ADGRL2: variants seen among roughly 807,000 people sequenced by gnomAD.
ADGRL2 encodes adhesion G protein-coupled receptor L2, also known as calcium-independent alpha-latrotoxin receptor 2.
A neutral mutation model predicts 157.4 loss-of-function variants in ADGRL2; 44 were observed. The observed-to-expected ratio is 0.28, with a 90% confidence interval of 0.22 to 0.36. The LOEUF (loss-of-function observed/expected upper bound fraction) is 0.36, where lower values mean the gene tolerates loss of function less well. Ranked by LOEUF, ADGRL2 falls within the 10% of genes least tolerant of loss-of-function variation. The pLI is 1.00. For synonymous variants in ADGRL2, 585 were observed against 624.7 expected, an observed-to-expected ratio of 0.94 and a Z score of 0.95; for missense variants, 1,510 against 1,768.9, an observed-to-expected ratio of 0.85 and a Z score of 2.63.
At chr1:81,975,434 G>T (rs1659937343) in intron 17 of ADGRL2, among the ~76,000 whole-genome samples, 1 of 152,190 alleles carries the variant, frequency 6.6e-6, no homozygotes, top group South Asian at 2.1e-4. Context: ...TCAAAGAGTG[G>T]CTGCATTGGA....
At chr1:81,349,859 GA>G (rs200255497) in intron 1 of ADGRL2, among the ~76,000 whole-genome samples, 2 of 151,366 alleles carry the variant, frequency 1.3e-5, no homozygotes, top group Non-Finnish European at 2.9e-5. Context: ...AGGCGGGAGG[GA>G]AAAAAAATCA....
intron 1 of ADGRL2, among the ~76,000 whole-genome samples, chr1:81,721,119 G>C (rs1175536352): frequency 6.7e-6 from 1 of 149,160 alleles, no homozygotes. Context: ...CGATCCTCCT[G>C]CGTCAGCCTC....
At chr1:81,623,852 G>T (rs898730952) in intron 3 of ADGRL2, among the ~76,000 whole-genome samples, 1 of 151,982 alleles carries the variant, frequency 6.6e-6, no homozygotes, top group East Asian at 1.9e-4. Flanking sequence ...GGTCAGGCTG[G>T]TCTCGAACTC....
At chr1:81,977,906 C>T (rs766636069) in intron 17 of ADGRL2, among the ~76,000 whole-genome samples, 8 of 151,580 alleles carry the variant, frequency 5.3e-5, no homozygotes, top group Non-Finnish European at 1.2e-4. Context: ...AAAGGGAGAA[C>T]AATTTAAAGG....
At chr1:81,611,939 T>C (rs1414867605) in intron 3 of ADGRL2, among the ~76,000 whole-genome samples, 2 of 152,138 alleles carry the variant, frequency 1.3e-5, no homozygotes, top group Admixed American at 6.5e-5. Flanking sequence ...GTTTCCCCCA[T>C]GCTCTCTCTC....
chr1:81,685,028 G>A (rs1349984089), intron 3 of ADGRL2, among the ~76,000 whole-genome samples: 11 of 152,130 alleles, frequency 7.2e-5, no homozygotes, highest in African/African-American at 2.7e-4. Context: ...TGCTGTTTGG[G>A]TAACTATGGC....
At chr1:81,453,781 T>TTG (rs2077747366) in intron 2 of ADGRL2, among the ~76,000 whole-genome samples, 2 of 152,156 alleles carry the variant, frequency 1.3e-5, no homozygotes, top group African/African-American at 4.8e-5. Flanking sequence ...TCCCAGTCAT[T>TTG]TGTGGCATCA....
At position 81,971,927 on chromosome 1, in the gene ADGRL2, G is replaced by A. The variant is rs766108510; in HGVS notation, c.3021+9G>A. The A allele has an allele frequency of 6.2e-7, 1 of 1,601,218 alleles. No homozygotes were observed. Reference sequence around the variant, plus strand: ...TTACCTTCATTATTCTGGTAAGCAGGTTCTGTTTTCCCTTGCTTTTTAGCT... The same window carrying A: ...TTACCTTCATTATTCTGGTAAGCAGATTCTGTTTTCCCTTGCTTTTTAGCT... On this transcript the variant is annotated intron_variant, in intron 17 of 23. Transcript: ENST00000686636.
At chr1:81,396,319 A>T (rs2076654177) in intron 1 of ADGRL2, among the ~76,000 whole-genome samples, 1 of 152,306 alleles carries the variant, frequency 6.6e-6, no homozygotes, top group Non-Finnish European at 1.5e-5. Context: ...GGTGTATACA[A>T]ATGCTATTGA....
chr1:81,676,750 G>A (rs1170670112), intron 3 of ADGRL2, among the ~76,000 whole-genome samples: 4 of 151,810 alleles, frequency 2.6e-5, no homozygotes, highest in East Asian at 2.0e-4. Flanking sequence ...GCAGTGGCGC[G>A]TTCTCAGCTC....
At chr1:81,333,487 C>T (rs1206812357) in intron 1 of ADGRL2, among the ~76,000 whole-genome samples, 1 of 152,082 alleles carries the variant, frequency 6.6e-6, no homozygotes, top group Non-Finnish European at 1.5e-5. Context: ...ACCATCTTGG[C>T]TCACAGCAAC....
intron 2 of ADGRL2, among the ~76,000 whole-genome samples, chr1:81,523,848 G>A (rs1320256317): frequency 6.6e-6 from 1 of 152,064 alleles, no homozygotes; most frequent in African/African-American, 2.4e-5. Context: ...CGGATCACAA[G>A]GTCAGGAGTT....
intron 1 of ADGRL2, among the ~76,000 whole-genome samples, chr1:81,418,352 G>A (rs1046338689): frequency 1.3e-5 from 2 of 152,294 alleles, no homozygotes; most frequent in East Asian, 1.9e-4. Flanking sequence ...TTCTGTGGTG[G>A]CATTTCTGCC....
chr1:81,860,296 C>T (rs4515835), intron 2 of ADGRL2, among the ~76,000 whole-genome samples: 1 of 151,954 alleles, frequency 6.6e-6, no homozygotes, highest in Non-Finnish European at 1.5e-5. Context: ...ACAGGTAATT[C>T]CTTTGAATTA....
intron 1 of ADGRL2, among the ~76,000 whole-genome samples, chr1:81,343,857 A>C (rs755846466): frequency 7.9e-5 from 12 of 152,092 alleles, no homozygotes; most frequent in Non-Finnish European, 1.6e-4. Flanking sequence ...CAAAGTCCTC[A>C]CCTCCTAATA....
intron 3 of ADGRL2, among the ~76,000 whole-genome samples, chr1:81,582,841 C>T (rs890870755): frequency 6.6e-6 from 1 of 152,130 alleles, no homozygotes; most frequent in African/African-American, 2.4e-5. Context: ...TGCACTTTAC[C>T]TTAAGTACTC....
chr1:81,306,974 A>T (rs890815303), intron 1 of ADGRL2, among the ~76,000 whole-genome samples: 8 of 152,236 alleles, frequency 5.3e-5, no homozygotes, highest in Non-Finnish European at 1.2e-4. Context: ...AATAGATTTT[A>T]CTTTATTTTG....
chr1:81,550,345 C>G (rs2080116282), intron 2 of ADGRL2, among the ~76,000 whole-genome samples: 1 of 152,154 alleles, frequency 6.6e-6, no homozygotes, highest in African/African-American at 2.4e-5. Context: ...GGTGATGTGG[C>G]TTTCCCAAAG....
intron 1 of ADGRL2, among the ~76,000 whole-genome samples, chr1:81,438,626 G>C (rs1385104646): frequency 3.9e-5 from 6 of 151,966 alleles, no homozygotes; most frequent in African/African-American, 1.4e-4. Context: ...TTTTCCCAGA[G>C]AGCTGATCGG....
Sources: gnomAD v4.1 joint callset for allele counts (sites outside exome capture counted in the v4.1 genomes callset) on GRCh38, gnomAD v4.1.1 for gene constraint, MANE v1.5 for transcripts, NCBI Gene and HGNC (gene_info 2026-07-23, HGNC 2026-07-21) for gene names.